Variants in RTN4 observed in about 807,000 individuals in gnomAD.
RTN4 encodes the protein reticulon-4.
In RTN4, 32 loss-of-function variants were observed where a neutral mutation model predicts 90.4. That is an observed-to-expected ratio of 0.35 (90% CI 0.27 to 0.48). The LOEUF (loss-of-function observed/expected upper bound fraction) is 0.48. Among genes scored for constraint, RTN4 ranks in the 20% least tolerant of loss-of-function variants. The probability of loss-of-function intolerance (pLI) is 0.99; values close to 1 mark genes in which losing one functional copy is unlikely to be tolerated. For synonymous variants in RTN4, 629 were observed against 552.5 expected, an observed-to-expected ratio of 1.14 and a Z score of -1.94; for missense variants, 1,706 against 1,430.2, an observed-to-expected ratio of 1.19 and a Z score of -3.11.
chr2:55,128,448 G>C, the RTN4 span, among the ~76,000 whole-genome samples: 1 of 152,094 alleles, frequency 6.6e-6, no homozygotes, highest in African/African-American at 2.4e-5. Flanking sequence ...AAAACGTGGA[G>C]TTCTAGACCC....
intron 1 of RTN4, among the ~76,000 whole-genome samples, chr2:55,028,725 T>C (rs1682088854): frequency 6.6e-6 from 1 of 152,204 alleles, no homozygotes; most frequent in Non-Finnish European, 1.5e-5. Context: ...TTACAGTCAT[T>C]GTACATTGCT....
rs545543647 is a variant in RTN4 at position 54,973,128 on chromosome 2, G to T, written c.*28C>A. 1.3e-6 allele frequency: 2 copies of T among 1,587,570 alleles called. No individual in the cohort carries two copies. The highest frequency in any genetic ancestry group is 1.7e-6 in the Non-Finnish European group (2 of 1,158,198). On this transcript the variant is annotated 3_prime_UTR_variant, in exon 9 of 9. Transcript: ENST00000337526. ...TCAAATGAATATCCCCTTTAAAGATGAACTCCTACTAATTATTTTGGGCGT... is the reference window on the plus strand; with the variant it reads ...TCAAATGAATATCCCCTTTAAAGATTAACTCCTACTAATTATTTTGGGCGT...
intron 2 of RTN4, among the ~76,000 whole-genome samples, chr2:55,066,197 G>T (rs201258074): frequency 5.9e-4 from 38 of 64,618 alleles, no homozygotes; most frequent in African/African-American, 1.7e-3. Flanking sequence ...GTGTGTTTGT[G>T]TGTGTGTGTG....
Position 54,973,164 on chromosome 2 carries a change from C to T in RTN4, c.3571G>A (p.Ala1191Thr), listed in dbSNP as rs1677258220. The T allele has an allele frequency of 1.2e-6, 2 of 1,604,128 alleles. No homozygotes were observed. The highest frequency in any genetic ancestry group is 1.7e-6 in the Non-Finnish European group (2 of 1,171,894). Residue 1191 changes from alanine (A) to threonine (T), a missense_variant, in exon 9 of 9, where the codon GCT (alanine) becomes ACT (threonine). Coordinates refer to ENST00000337526, the MANE Select transcript of RTN4 (RefSeq NM_020532.5). Reference sequence around the variant, plus strand: ...AATTATTTTGGGCGTTTTCATTCAGCTTTGCGCTTCAATCCAGGGATTTTT... The same window carrying T: ...AATTATTTTGGGCGTTTTCATTCAGTTTTGCGCTTCAATCCAGGGATTTTT... ...QAKIPGLKRK[A>T]E
In RTN4 at chr2:55,025,391, G is replaced by C. The variant is rs1025050894; in HGVS notation, c.2708C>G (p.Ala903Gly). The change falls in exon 3 of 9, where the codon GCC becomes GGC. Residue 903 changes from alanine to glycine, a missense_variant. Coordinates refer to ENST00000337526, the MANE Select transcript of RTN4 (RefSeq NM_020532.5). Reference sequence around the variant, plus strand: ...AGGCAATGACCCAGCTCCATCCGGGGCATTAGCAATTTCACTTTTGTGGGA... The same window carrying C: ...AGGCAATGACCCAGCTCCATCCGGGCCATTAGCAATTTCACTTTTGTGGGA... The part of the protein sequence containing the change: ...EVSHKSEIAN[A>G]PDGAGSLPCT... 16 of 1,613,746 alleles carry C rather than the reference G, an allele frequency of 9.9e-6. No homozygotes were observed. The highest frequency in any genetic ancestry group is 1.7e-5 in the Admixed American group (1 of 59,952).
chr2:55,033,050 T>TAAA (rs141554598), intron 1 of RTN4, among the ~76,000 whole-genome samples: 180 of 125,770 alleles, frequency 1.4e-3, no homozygotes, highest in African/African-American at 5.0e-3. Flanking sequence ...CTGAAGAAGT[T>TAAA]AAAAAAAAAA....
Position 54,982,429 on chromosome 2 carries a change from T to C in RTN4, c.3360+86A>G, listed in dbSNP as rs1290765575. The stretch of plus-strand genomic sequence containing the variant: ...ATTTAATTAATATTTATCATTTACT[T>C]GAATATAGAAGAACAGAATTTTACA... On this transcript the variant is annotated intron_variant, in intron 5 of 8. Transcript: ENST00000337526. 4.3e-6 allele frequency: 5 copies of C among 1,156,564 alleles called. No individual in the cohort carries two copies. The East Asian group carries it at 1.3e-4, about 29-fold the overall frequency. The allele number at this position is 1,156,564 out of a possible 1,614,324, so 71.6% of individuals were successfully genotyped here.
chr2:54,986,175 T>C (rs542094663), intron 4 of RTN4, among the ~76,000 whole-genome samples: 3 of 152,330 alleles, frequency 2.0e-5, no homozygotes, highest in East Asian at 3.9e-4. Context: ...CTACAGTCTA[T>C]AGAGGGCCGG....
Position 55,048,044 on chromosome 2 carries a change from T to C in RTN4, c.556+1701A>G, listed in dbSNP as rs183929535. Among the ~76,000 whole-genome samples the C allele has an allele frequency of 3.9e-5, 6 of 152,318 alleles. No homozygotes were observed. In the East Asian group the frequency reaches 1.2e-3, roughly 29 times the overall value. On this transcript the variant is annotated intron_variant, in intron 1 of 8. Transcript: ENST00000337526. ...GTAGAGCCTACTACATACCTATATG[T>C]AGGCTATATGGTATAATCAATTGCT... is the stretch of plus-strand genomic sequence containing the variant.
intron 3 of RTN4, chr2:55,014,484 G>A (rs1049080615): frequency 1.3e-5 from 2 of 151,638 alleles, no homozygotes; most frequent in African/African-American, 4.8e-5. Context: ...AATCTTCTCT[G>A]TATAATTCCA....
At position 54,972,210 on chromosome 2, in the gene RTN4, T is replaced by TGATA. The variant is rs1473893262; in HGVS notation, c.*942_*945dup. The TGATA allele has an allele frequency of 6.6e-6, 1 of 152,648 alleles. No homozygotes were observed. The highest frequency in any genetic ancestry group is 6.6e-5 in the Admixed American group (1 of 15,248). The allele number at this position is 152,648 out of a possible 1,614,324, so 9.5% of individuals were successfully genotyped here. ...CATATTTTAAGTCTATAAGCTTTAT[T>TGATA]GATACTTTGCTTTTACAGTTCACAA... is the stretch of plus-strand genomic sequence containing the variant. On this transcript the variant is annotated 3_prime_UTR_variant, in exon 9 of 9. Transcript: ENST00000337526.
At chr2:55,136,072 C>T in the RTN4 span, among the ~76,000 whole-genome samples, 2 of 152,240 alleles carry the variant, frequency 1.3e-5, no homozygotes, top group African/African-American at 2.4e-5. Flanking sequence ...TTGGTCACAG[C>T]CAGTGCCAGA....
At chr2:55,032,600 A>T (rs1047281092) in intron 1 of RTN4, among the ~76,000 whole-genome samples, 3 of 152,202 alleles carry the variant, frequency 2.0e-5, no homozygotes, top group Non-Finnish European at 2.9e-5. Flanking sequence ...TGATAAACAA[A>T]CTTAAAAAAC....
At chr2:54,977,208 T>C (rs1455928347) in intron 5 of RTN4, among the ~76,000 whole-genome samples, 1 of 152,226 alleles carries the variant, frequency 6.6e-6, no homozygotes, top group Non-Finnish European at 1.5e-5. Flanking sequence ...TACTTGCCCT[T>C]CTGTGTCTCC....
the RTN4 span, among the ~76,000 whole-genome samples, chr2:55,127,271 A>G: frequency 6.6e-6 from 1 of 152,200 alleles, no homozygotes; most frequent in South Asian, 2.1e-4. Context: ...TCAGAACAAG[A>G]CAGGACAAAA....
At chr2:55,099,023 T>C (rs1667803830) in intron 1 of RTN4, among the ~76,000 whole-genome samples, 1 of 152,160 alleles carries the variant, frequency 6.6e-6, no homozygotes, top group African/African-American at 2.4e-5. Flanking sequence ...TGTATTCTTG[T>C]TACGTTAGCA....
rs755906067 is a variant in RTN4 at position 55,026,399 on chromosome 2, G to C, written c.1700C>G (p.Thr567Ser). Reference protein sequence around the residue: ...EACESELNEVTGTKIAYETKM... With the variant: ...EACESELNEVSGTKIAYETKM... ...TGTTTCATAAGCAATCTTTGTACCA[G>C]TAACTTCATTCAATTCACTTTCACA... The change falls in exon 3 of 9, where the codon ACT becomes AGT. Residue 567 changes from threonine (T) to serine (S), a missense_variant. By Grantham distance (58) the Thr-to-Ser change is moderately conservative. Transcript: ENST00000337526. 1 of 1,613,746 alleles carries C rather than the reference G, an allele frequency of 6.2e-7. No homozygotes were observed. The highest frequency in any genetic ancestry group is 1.3e-5 in the African/African-American group (1 of 74,904).
upstream of RTN4, among the ~76,000 whole-genome samples, chr2:55,054,168 A>G (rs1273742067): frequency 1.3e-5 from 2 of 152,250 alleles, no homozygotes; most frequent in Non-Finnish European, 2.9e-5. Flanking sequence ...TCTTTTAAAT[A>G]GAAAGATTGA....
At chr2:55,065,274 G>C (rs1668370121) in intron 2 of RTN4, among the ~76,000 whole-genome samples, 1 of 152,058 alleles carries the variant, frequency 6.6e-6, no homozygotes, top group South Asian at 2.1e-4. Flanking sequence ...ATAACTAAAA[G>C]CTTTCTTAAA....
Sources: gnomAD v4.1 joint callset for allele counts (sites outside exome capture counted in the v4.1 genomes callset) on GRCh38, gnomAD v4.1.1 for gene constraint, MANE v1.5 for transcripts, NCBI Gene and HGNC (gene_info 2026-07-23, HGNC 2026-07-21) for gene names.